The following OLFM3 variants were observed in gnomAD, a reference collection of about 807,000 sequenced individuals.
OLFM3 encodes olfactomedin 3.
OLFM3 carries 20 observed loss-of-function variants against 48.6 expected under a neutral mutation model. That is an observed-to-expected ratio of 0.41 (90% CI 0.29 to 0.60). The LOEUF (loss-of-function observed/expected upper bound fraction) is 0.60. OLFM3 is among the 20% of genes least tolerant of loss of function. OLFM3 has a pLI of 0.28. For missense variants in OLFM3, 437 were observed against 544.3 expected, an observed-to-expected ratio of 0.80 and a Z score of 1.96; for synonymous variants, 222 against 198.1, an observed-to-expected ratio of 1.12 and a Z score of -1.01.
At chr1:101,961,361 C>T (rs1010485933) in intron 1 of OLFM3, among the ~76,000 whole-genome samples, 7 of 152,022 alleles carry the variant, frequency 4.6e-5, no homozygotes, top group South Asian at 4.2e-4. Context: ...AAAATAGATA[C>T]TGTATTTAGT....
intron 1 of OLFM3, among the ~76,000 whole-genome samples, chr1:101,995,815 C>T (rs944238294): frequency 1.3e-5 from 2 of 152,080 alleles, no homozygotes; most frequent in East Asian, 1.9e-4. Flanking sequence ...TGCTGTTGGC[C>T]AGTTAAATAA....
chr1:101,912,839 A>C (rs1294665401), intron 1 of OLFM3, among the ~76,000 whole-genome samples: 1 of 152,202 alleles, frequency 6.6e-6, no homozygotes, highest in Non-Finnish European at 1.5e-5. Context: ...AATGGTAAAA[A>C]GGGCTAGTTG....
At chr1:101,837,321 C>A (rs1424296277) in intron 1 of OLFM3, among the ~76,000 whole-genome samples, 1 of 152,134 alleles carries the variant, frequency 6.6e-6, no homozygotes, top group Admixed American at 6.5e-5. Flanking sequence ...CATTTTAATG[C>A]AACTTTAGAA....
chr1:101,995,659 T>A (rs1385298425), intron 1 of OLFM3, among the ~76,000 whole-genome samples: 1 of 152,196 alleles, frequency 6.6e-6, no homozygotes, highest in Non-Finnish European at 1.5e-5. Context: ...CTTGGTTACA[T>A]CTTAGTTCTA....
chr1:101,828,572 C>A (rs1654997690), intron 3 of OLFM3, among the ~76,000 whole-genome samples: 1 of 152,118 alleles, frequency 6.6e-6, no homozygotes, highest in Admixed American at 6.5e-5. Context: ...TACATTATTT[C>A]TTTGGGGTTT....
At chr1:101,815,455 A>AAAG (rs1491347758) in intron 4 of OLFM3, among the ~76,000 whole-genome samples, 2 of 28,208 alleles carry the variant, frequency 7.1e-5, no homozygotes, top group African/African-American at 3.0e-4. Context: ...TCAAAAAAAG[A>AAAG]AAAAAAAAAA....
intron 5 of OLFM3, 85 bp downstream of exon 5, chr1:101,805,991 T>C (rs1296914209): frequency 8.6e-6 from 8 of 933,006 alleles, no homozygotes; most frequent in African/African-American, 1.7e-5. Context: ...CAAACAAATA[T>C]CCCTGAAGAA....
intron 1 of OLFM3, among the ~76,000 whole-genome samples, chr1:101,908,465 AG>A (rs1162300437): frequency 6.6e-6 from 1 of 152,210 alleles, no homozygotes. Context: ...TAGGCAGACC[AG>A]GTGGTTCTCA....
intron 1 of OLFM3, among the ~76,000 whole-genome samples, chr1:101,936,915 C>T (rs148749146): frequency 3.3e-5 from 5 of 151,990 alleles, no homozygotes; most frequent in East Asian, 3.9e-4. Flanking sequence ...AGCCACATGC[C>T]GAAGAGTGAA....
chr1:101,932,720 A>G (rs1373907428), intron 1 of OLFM3, among the ~76,000 whole-genome samples: 2 of 152,242 alleles, frequency 1.3e-5, no homozygotes, highest in Non-Finnish European at 2.9e-5. Context: ...AAGAACCAGC[A>G]TAATAACTCT....
intron 1 of OLFM3, among the ~76,000 whole-genome samples, chr1:101,889,802 G>A (rs28649392): frequency 6.6e-6 from 1 of 151,628 alleles, no homozygotes; most frequent in Non-Finnish European, 1.5e-5. Flanking sequence ...AGATGGTTAC[G>A]TTTATTCTAC....
At chr1:101,860,832 T>G (rs1381627999) in intron 1 of OLFM3, among the ~76,000 whole-genome samples, 1 of 152,014 alleles carries the variant, frequency 6.6e-6, no homozygotes, top group African/African-American at 2.4e-5. Flanking sequence ...AATAAGTGGC[T>G]TGGAAAACAC....
chr1:101,834,227 C>T (rs1306605566), intron 2 of OLFM3, among the ~76,000 whole-genome samples: 1 of 152,166 alleles, frequency 6.6e-6, no homozygotes. Context: ...AGAGCCACAA[C>T]TTACTGATTG....
chr1:101,871,097 A>C (rs1657067097), intron 1 of OLFM3, among the ~76,000 whole-genome samples: 1 of 152,114 alleles, frequency 6.6e-6, no homozygotes, highest in African/African-American at 2.4e-5. Context: ...GTTTAGTTTT[A>C]TATTTATCAC....
chr1:101,968,313 A>G (rs1660678255), intron 1 of OLFM3, among the ~76,000 whole-genome samples: 1 of 93,440 alleles, frequency 1.1e-5, no homozygotes, highest in African/African-American at 4.4e-5. Flanking sequence ...ACTTCACACC[A>G]TAAAGAATTA....
At position 101,921,121 on chromosome 1, in the gene OLFM3, A is replaced by G. The variant is rs538427377; in HGVS notation, c.69+75627T>C. ...GAAAATGTAATAGTTAATAATAATT[A>G]CAATAAAATGTCTGGTAATCTCTTA... On this transcript the variant is annotated intron_variant, in intron 1 of 5. Transcript: ENST00000370103. Among the ~76,000 whole-genome samples, 5 of 152,204 alleles carry G rather than the reference A, an allele frequency of 3.3e-5. 1 individual carries two copies. The South Asian group carries it at 1.0e-3, about 32-fold the overall frequency.
intron 1 of OLFM3, among the ~76,000 whole-genome samples, chr1:101,941,387 G>C (rs1022184265): frequency 6.6e-6 from 1 of 152,144 alleles, no homozygotes; most frequent in Admixed American, 6.5e-5. Context: ...CTGAATGTGG[G>C]AATCTCCCAG....
At chr1:101,838,417 C>T (rs1487319629) in intron 1 of OLFM3, among the ~76,000 whole-genome samples, 2 of 152,040 alleles carry the variant, frequency 1.3e-5, no homozygotes, top group African/African-American at 4.8e-5. Context: ...CTATCAAGCA[C>T]AAAGATAAGC....
intron 1 of OLFM3, among the ~76,000 whole-genome samples, chr1:101,946,337 T>C (rs1026220448): frequency 1.5e-4 from 23 of 152,140 alleles, no homozygotes; most frequent in African/African-American, 5.6e-4. Flanking sequence ...GAGAATCCTT[T>C]GAAAATCTAG....
Sources: allele counts gnomAD v4.1 joint callset (sites outside exome capture counted in the v4.1 genomes callset), GRCh38; gene constraint gnomAD v4.1.1; transcripts MANE v1.5; gene names NCBI Gene and HGNC (gene_info 2026-07-23, HGNC 2026-07-21).